NKAIN2: variants seen among roughly 807,000 people sequenced by gnomAD.
The protein encoded by NKAIN2 is sodium/potassium-transporting ATPase subunit beta-1-interacting protein 2.
NKAIN2 carries 14 observed loss-of-function variants against 32.6 expected under a neutral mutation model. The ratio of observed to expected loss-of-function variants is 0.43; its 90% CI spans 0.28 to 0.67. NKAIN2 has a LOEUF of 0.67. Among genes scored for constraint, NKAIN2 ranks in the 30% least tolerant of loss-of-function variants. The pLI is 0.17. For synonymous variants in NKAIN2, 80 were observed against 87.2 expected (o/e 0.92, Z 0.46); for missense variants, 198 against 258.3 (o/e 0.77, Z 1.60).
intron 2 of NKAIN2, among the ~76,000 whole-genome samples, chr6:124,317,413 C>A (rs1797002728): frequency 1.3e-5 from 2 of 152,004 alleles, no homozygotes; most frequent in Admixed American, 6.6e-5. Context: ...TTTGGAGGGA[C>A]TAGTTTAGAC....
At chr6:124,237,043 C>G (rs1039452066) in intron 1 of NKAIN2, among the ~76,000 whole-genome samples, 1 of 152,118 alleles carries the variant, frequency 6.6e-6, no homozygotes, top group African/African-American at 2.4e-5. Flanking sequence ...CTGGATAATT[C>G]ACATAAGTAT....
At chr6:123,910,499 G>GTGTTTT (rs1491095246) in intron 1 of NKAIN2, among the ~76,000 whole-genome samples, 2 of 81,314 alleles carry the variant, frequency 2.5e-5, no homozygotes, top group African/African-American at 1.0e-4. Context: ...TGCAATGCAT[G>GTGTTTT]TTTTTTTTTT....
intron 1 of NKAIN2, among the ~76,000 whole-genome samples, chr6:124,104,163 C>G (rs919598844): frequency 1.3e-5 from 2 of 152,134 alleles, no homozygotes; most frequent in East Asian, 1.9e-4. Flanking sequence ...CCTTCGCTCC[C>G]CTATTTCTCC....
chr6:124,814,641 C>T (rs1781063281), intron 5 of NKAIN2, among the ~76,000 whole-genome samples: 1 of 152,150 alleles, frequency 6.6e-6, no homozygotes, highest in South Asian at 2.1e-4. Context: ...CCAGGCCACT[C>T]AAGCTCCATT....
At chr6:124,057,068 A>T (rs1178432071) in intron 1 of NKAIN2, among the ~76,000 whole-genome samples, 3 of 152,114 alleles carry the variant, frequency 2.0e-5, no homozygotes, top group Non-Finnish European at 4.4e-5. Context: ...ATCATGTTCT[A>T]TGCATGTAAA....
chr6:124,809,700 C>T (rs867156861), intron 5 of NKAIN2, among the ~76,000 whole-genome samples: 1,326 of 121,420 alleles, frequency 0.011, 5 homozygotes, highest in Non-Finnish European at 0.012. Context: ...ACAGGCAACC[C>T]ACAAAATGGG....
At chr6:124,098,766 A>T (rs1027422947) in intron 1 of NKAIN2, among the ~76,000 whole-genome samples, 5 of 152,004 alleles carry the variant, frequency 3.3e-5, no homozygotes, top group African/African-American at 1.2e-4. Flanking sequence ...GCTACACGGG[A>T]GGCTGAGGCA....
intron 3 of NKAIN2, among the ~76,000 whole-genome samples, chr6:124,423,933 A>G (rs564128336): frequency 2.7e-4 from 41 of 152,350 alleles, no homozygotes; most frequent in Non-Finnish European, 2.5e-4. Context: ...TCCTTAAAGC[A>G]GCACGAATAG....
chr6:124,435,968 C>T (rs1278187368), intron 3 of NKAIN2, among the ~76,000 whole-genome samples: 1 of 151,910 alleles, frequency 6.6e-6, no homozygotes, highest in Non-Finnish European at 1.5e-5. Flanking sequence ...TTCAGAATCC[C>T]CAATGTCAAG....
chr6:123,863,431 A>G (rs760286378), intron 1 of NKAIN2, among the ~76,000 whole-genome samples: 64 of 152,194 alleles, frequency 4.2e-4, no homozygotes, highest in Non-Finnish European at 8.4e-4. Flanking sequence ...TTTATACACA[A>G]TATCTATGAA....
intron 2 of NKAIN2, among the ~76,000 whole-genome samples, chr6:124,343,137 C>T (rs1013187477): frequency 6.6e-6 from 1 of 151,956 alleles, no homozygotes; most frequent in African/African-American, 2.4e-5. Context: ...CAGCTTCATC[C>T]ATGTCCCTAC....
intron 1 of NKAIN2, among the ~76,000 whole-genome samples, chr6:124,174,589 C>G (rs989061654): frequency 4.6e-5 from 7 of 152,102 alleles, no homozygotes; most frequent in Non-Finnish European, 7.4e-5. Flanking sequence ...CCAACTCCAC[C>G]CTTTTCTAAT....
chr6:124,649,937 C>T (rs1784308069), intron 3 of NKAIN2, among the ~76,000 whole-genome samples: 1 of 152,086 alleles, frequency 6.6e-6, no homozygotes, highest in South Asian at 2.1e-4. Flanking sequence ...TTGGCAAAAT[C>T]CAGCATCCAT....
chr6:124,209,957 T>C (rs1791086743), intron 1 of NKAIN2, among the ~76,000 whole-genome samples: 1 of 151,878 alleles, frequency 6.6e-6, no homozygotes, highest in African/African-American at 2.4e-5. Context: ...TAGCTTAATG[T>C]GATCCCATTT....
intron 1 of NKAIN2, among the ~76,000 whole-genome samples, chr6:124,062,349 A>G (rs1782953246): frequency 6.6e-6 from 1 of 152,134 alleles, no homozygotes; most frequent in South Asian, 2.1e-4. Context: ...ATGTCTGCGC[A>G]TTTGCTTATG....
chr6:124,653,087 G>T (rs533873751), intron 3 of NKAIN2, among the ~76,000 whole-genome samples: 2 of 152,256 alleles, frequency 1.3e-5, no homozygotes, highest in East Asian at 1.9e-4. Flanking sequence ...GTTAATCCCA[G>T]CTTGATCGAT....
In NKAIN2 at chr6:124,160,204, G is replaced by A. The variant is rs117539706; in HGVS notation, c.55-122801G>A. On this transcript the variant is annotated intron_variant, in intron 1 of 6. Coordinates refer to ENST00000368417, the MANE Select transcript of NKAIN2 (RefSeq NM_001040214.3). ...GAAAAAGGGACAGAGCTAGAGGGTA[G>A]GAAAATTTTCCCCTCGCTTTATCTA... Among the ~76,000 whole-genome samples the A allele has an allele frequency of 5.1e-4, 77 of 152,186 alleles. 2 individuals are homozygous for A. The East Asian group carries it at 0.013, about 25-fold the overall frequency.
intron 3 of NKAIN2, among the ~76,000 whole-genome samples, chr6:124,622,335 AG>A (rs1310307201): frequency 6.6e-6 from 1 of 152,182 alleles, no homozygotes; most frequent in Admixed American, 6.5e-5. Flanking sequence ...GATATGCGAC[AG>A]GGGTGTGACT....
At chr6:124,702,163 A>G (rs778015634) in intron 4 of NKAIN2, among the ~76,000 whole-genome samples, 6 of 152,140 alleles carry the variant, frequency 3.9e-5, no homozygotes, top group Non-Finnish European at 7.4e-5. Context: ...AAATGACAAA[A>G]TATCAAAACC....
Sources: gnomAD v4.1 joint callset for allele counts (sites outside exome capture counted in the v4.1 genomes callset) on GRCh38, gnomAD v4.1.1 for gene constraint, MANE v1.5 for transcripts, NCBI Gene and HGNC (gene_info 2026-07-23, HGNC 2026-07-21) for gene names.